The following ZC3H12B variants were observed in gnomAD, a reference collection of about 807,000 sequenced individuals.
ZC3H12B encodes the protein probable ribonuclease ZC3H12B.
Under a neutral mutation model 43.9 loss-of-function variants are expected in ZC3H12B, and 7 were observed. The observed-to-expected ratio is 0.16, with a 90% CI of 0.09 to 0.30. The LOEUF (loss-of-function observed/expected upper bound fraction) is 0.30, where lower values mean the gene tolerates loss of function less well. Ranked by LOEUF, ZC3H12B falls within the 10% of genes least tolerant of loss-of-function variation. ZC3H12B has a pLI of 1.00. For synonymous variants in ZC3H12B, 222 were observed against 241.7 expected (o/e 0.92, Z 0.76); for missense variants, 475 against 670.2 (o/e 0.71, Z 3.22).
intron 2 of ZC3H12B, among the ~76,000 whole-genome samples, chrX:65,387,542 G>T (rs923199435): frequency 4.5e-5 from 5 of 112,033 alleles, no homozygotes; most frequent in Non-Finnish European, 9.4e-5. Context: ...GTCTGTGCAT[G>T]TGAGATGGGT....
exon 1 of ZC3H12B, chrX:65,489,034 G>T: frequency 4.1e-6 from 5 of 1,211,605 alleles, no homozygotes; most frequent in Non-Finnish European, 5.6e-6. Flanking sequence ...AAGCCACACC[G>T]CCAGCTCTGT....
the ZC3H12B span, among the ~76,000 whole-genome samples, chrX:65,166,413 A>G: frequency 1.8e-5 from 2 of 111,682 alleles, no homozygotes; most frequent in African/African-American, 3.3e-5. Context: ...CATGGTGTAT[A>G]TGTGCCACAT....
the ZC3H12B span, among the ~76,000 whole-genome samples, chrX:65,296,375 A>T: frequency 9.0e-6 from 1 of 111,062 alleles, no homozygotes; most frequent in Non-Finnish European, 1.9e-5. Flanking sequence ...CTGGCGAGGG[A>T]TAAAAGACTA....
chrX:65,452,670 A>G (rs989367704), intron 3 of ZC3H12B, among the ~76,000 whole-genome samples: 6 of 111,371 alleles, frequency 5.4e-5, no homozygotes, highest in African/African-American at 2.0e-4. Flanking sequence ...GTGAAACCCC[A>G]TCTCTACTAA....
upstream of ZC3H12B, among the ~76,000 whole-genome samples, chrX:65,484,690 A>G (rs1192594930): frequency 8.9e-6 from 1 of 112,445 alleles, no homozygotes; most frequent in African/African-American, 3.2e-5. Flanking sequence ...TGACTTGATT[A>G]CTGCTGGGTA....
the ZC3H12B span, among the ~76,000 whole-genome samples, chrX:65,182,573 AT>A: frequency 9.0e-6 from 1 of 110,945 alleles, no homozygotes; most frequent in Non-Finnish European, 1.9e-5. Context: ...ATTAAGAAAT[AT>A]GATCCAATTA....
chrX:65,199,038 C>T, the ZC3H12B span, among the ~76,000 whole-genome samples: 1 of 109,818 alleles, frequency 9.1e-6, no homozygotes, highest in Non-Finnish European at 1.9e-5. Context: ...CCATGTTGAC[C>T]AGGCTGGTCT....
the ZC3H12B span, among the ~76,000 whole-genome samples, chrX:65,289,194 C>T: frequency 9.1e-6 from 1 of 110,155 alleles, no homozygotes; most frequent in African/African-American, 3.3e-5. Context: ...CAATGTAATC[C>T]CAATCAAAAT....
At chrX:65,056,927 T>C in the ZC3H12B span, among the ~76,000 whole-genome samples, 33 of 111,814 alleles carry the variant, frequency 3.0e-4, no homozygotes, top group Non-Finnish European at 4.1e-4. Context: ...TTTTTTGTTT[T>C]CCATTTGCTT....
chrX:65,038,056 G>A, the ZC3H12B span, among the ~76,000 whole-genome samples: 1 of 111,016 alleles, frequency 9.0e-6, no homozygotes, highest in East Asian at 2.8e-4. Context: ...TGTCTCCTAG[G>A]TTTTAGTCAG....
chrX:65,358,083 A>T, the ZC3H12B span, among the ~76,000 whole-genome samples: 1 of 111,262 alleles, frequency 9.0e-6, no homozygotes, highest in South Asian at 3.7e-4. Flanking sequence ...ACCAACAAAG[A>T]TCAAAAAAGA....
At chrX:65,037,656 T>C in the ZC3H12B span, among the ~76,000 whole-genome samples, 10 of 111,358 alleles carry the variant, frequency 9.0e-5, no homozygotes, top group Non-Finnish European at 1.9e-4. Context: ...TTTTACTGTC[T>C]ATTAAGAGAC....
At chrX:65,350,858 T>C in the ZC3H12B span, among the ~76,000 whole-genome samples, 1 of 111,754 alleles carries the variant, frequency 8.9e-6, no homozygotes, top group Admixed American at 9.5e-5. Context: ...TGCTCAAGGA[T>C]AGAAAGAATC....
chrX:65,442,033 G>A (rs1180289921), intron 3 of ZC3H12B, among the ~76,000 whole-genome samples: 3 of 98,052 alleles, frequency 3.1e-5, no homozygotes, highest in Non-Finnish European at 5.8e-5. Flanking sequence ...CTATCTAGTG[G>A]CCTGACTCAC....
chrX:65,200,697 A>G, the ZC3H12B span, among the ~76,000 whole-genome samples: 1 of 109,924 alleles, frequency 9.1e-6, no homozygotes, highest in Non-Finnish European at 1.9e-5. Flanking sequence ...CAGCCTCCCA[A>G]AGTGCTGTGT....
the ZC3H12B span, among the ~76,000 whole-genome samples, chrX:65,350,687 A>G: frequency 1.8e-5 from 2 of 111,973 alleles, no homozygotes; most frequent in Non-Finnish European, 3.8e-5. Context: ...CCAATAACAG[A>G]CAGCCAAATC....
intron 3 of ZC3H12B, among the ~76,000 whole-genome samples, chrX:65,476,389 C>G (rs1169200929): frequency 9.0e-6 from 1 of 111,475 alleles, no homozygotes; most frequent in Non-Finnish European, 1.9e-5. Flanking sequence ...TGTTGAAGTT[C>G]TTTATTGGGT....
chrX:65,251,364 G>A, the ZC3H12B span, among the ~76,000 whole-genome samples: 2 of 111,543 alleles, frequency 1.8e-5, no homozygotes, highest in Non-Finnish European at 3.8e-5. Context: ...TTTGAAATCA[G>A]GTAGCGTGAT....
chrX:65,246,927 G>A, the ZC3H12B span, among the ~76,000 whole-genome samples: 1 of 112,444 alleles, frequency 8.9e-6, no homozygotes, highest in Non-Finnish European at 1.9e-5. Flanking sequence ...AAACTAAAGA[G>A]CTTCTGCACA....
Sources: allele counts gnomAD v4.1 joint callset (sites outside exome capture counted in the v4.1 genomes callset), GRCh38; gene constraint gnomAD v4.1.1; transcripts MANE v1.5; gene names NCBI Gene and HGNC (gene_info 2026-07-23, HGNC 2026-07-21).